TRIM14: variants seen among roughly 807,000 people sequenced by gnomAD.
TRIM14 encodes tripartite motif containing 14, also known as tripartite motif-containing protein 14.
In TRIM14, 28 loss-of-function variants were observed where a neutral mutation model predicts 44.5. The ratio of observed to expected loss-of-function variants is 0.63; its 90% CI spans 0.47 to 0.86. The LOEUF is 0.86. Among genes scored for constraint, TRIM14 ranks in the 40% least tolerant of loss-of-function variants. The probability of loss-of-function intolerance (pLI) is 0.00; values close to 1 mark genes in which losing one functional copy is unlikely to be tolerated. For synonymous variants in TRIM14, 299 were observed against 269.2 expected (o/e 1.11, Z -1.08); for missense variants, 607 against 611.1 (o/e 0.99, Z 0.07).
the TRIM14 span, among the ~76,000 whole-genome samples, chr9:98,041,991 T>C: frequency 3.3e-5 from 5 of 151,430 alleles, no homozygotes; most frequent in Non-Finnish European, 7.4e-5. Context: ...CCTAAGGACA[T>C]CTTTTAAAAA....
At chr9:98,058,539 G>T in the TRIM14 span, among the ~76,000 whole-genome samples, 3 of 152,190 alleles carry the variant, frequency 2.0e-5, no homozygotes, top group African/African-American at 7.2e-5. Flanking sequence ...TTTCTAGAGG[G>T]AAATTCCCAC....
At position 98,094,258 on chromosome 9, in the gene TRIM14, G is replaced by T. The variant is rs530370384; in HGVS notation, c.700+609C>A. On this transcript the variant is annotated intron_variant, in intron 4 of 5. Transcript: ENST00000341469. ...TGAATGAATGCATAAATGAATCAAA[G>T]AACAGATATTTTTGAGTACATGTTT... Among the ~76,000 whole-genome samples the T allele has an allele frequency of 1.3e-5, 2 of 152,370 alleles. 1 individual carries two copies. The highest frequency in any genetic ancestry group is 4.1e-4 in the South Asian group (2 of 4,828).
chr9:98,088,043 G>A (rs755980487), intron 5 of TRIM14, 38 bp from the exon 6 acceptor site: 1 of 1,420,102 alleles, frequency 7.0e-7, no homozygotes, highest in South Asian at 1.5e-5. Flanking sequence ...CTGGTGGGCG[G>A]GGCCAGCGCG....
downstream of TRIM14, among the ~76,000 whole-genome samples, chr9:98,065,308 CT>C (rs758040892): frequency 0.064 from 5,908 of 92,660 alleles, 75 homozygotes; most frequent in East Asian, 0.18. Flanking sequence ...ACTCCTGGTG[CT>C]TTTTTTTTTT....
chr9:98,109,315 G>A (rs1311376480), intron 2 of TRIM14, among the ~76,000 whole-genome samples: 2 of 151,986 alleles, frequency 1.3e-5, no homozygotes, highest in Non-Finnish European at 2.9e-5. Context: ...AGCAACGGAG[G>A]ATGCAAGGGG....
intron 3 of TRIM14, among the ~76,000 whole-genome samples, chr9:98,096,220 G>C (rs1370052327): frequency 2.0e-5 from 3 of 152,190 alleles, no homozygotes; most frequent in Admixed American, 6.5e-5. Context: ...ACATTGGGAG[G>C]GGGCTGTGAG....
chr9:98,060,915 A>G, the TRIM14 span: 4 of 1,614,068 alleles, frequency 2.5e-6, no homozygotes, highest in Non-Finnish European at 3.4e-6. Flanking sequence ...CGACATCTGG[A>G]GTTCAGCCAT....
chr9:98,084,306 G>C (rs1411430575), downstream of TRIM14: 1 of 152,158 alleles, frequency 6.6e-6, no homozygotes. Context: ...GGGTATCACT[G>C]GGTGCTAGGG....
chr9:98,071,805 T>C (rs1388571379), intron 6 of TRIM14, among the ~76,000 whole-genome samples: 1 of 152,178 alleles, frequency 6.6e-6, no homozygotes, highest in Non-Finnish European at 1.5e-5. Flanking sequence ...GCACCTGGAT[T>C]GGGGACTTTT....
At chr9:98,076,690 A>G (rs1829606658) in intron 6 of TRIM14, 1 of 497,412 alleles carries the variant, frequency 2.0e-6, no homozygotes, top group Non-Finnish European at 3.5e-6. Context: ...TGTAGCCAGC[A>G]AAGACCAGCA....
chr9:98,061,331 G>A, the TRIM14 span: 21 of 269,100 alleles, frequency 7.8e-5, no homozygotes, highest in Admixed American at 3.2e-4. Flanking sequence ...ACAAAAATTA[G>A]CTGGGCATGG....
downstream of TRIM14, chr9:98,082,778 T>TGTAAA (rs1023036606): frequency 8.5e-5 from 125 of 1,472,070 alleles, 1 homozygote; most frequent in African/African-American, 9.9e-4. Flanking sequence ...GGACCTTGAG[T>TGTAAA]GTAAAGTAAA....
the TRIM14 span, among the ~76,000 whole-genome samples, chr9:98,063,908 A>C: frequency 6.6e-6 from 1 of 152,054 alleles, no homozygotes; most frequent in Non-Finnish European, 1.5e-5. Context: ...TTGTTTCCTT[A>C]AGATGGCTTC....
the TRIM14 span, among the ~76,000 whole-genome samples, chr9:98,051,121 C>T: frequency 2.0e-5 from 3 of 152,102 alleles, no homozygotes; most frequent in African/African-American, 4.8e-5. Flanking sequence ...GAAGAGAGAC[C>T]GTTTGATATT....
chr9:98,113,602 G>T (rs539177224), intron 1 of TRIM14, among the ~76,000 whole-genome samples: 16 of 152,312 alleles, frequency 1.1e-4, no homozygotes, highest in Non-Finnish European at 1.8e-4. Context: ...TGATCTGCCT[G>T]CCTTGGCCTC....
chr9:98,116,854 A>C (rs1380465255), intron 1 of TRIM14, among the ~76,000 whole-genome samples: 1 of 152,022 alleles, frequency 6.6e-6, no homozygotes, highest in Non-Finnish European at 1.5e-5. Flanking sequence ...TCAAAAAAAA[A>C]AAAAAAAAAG....
Position 98,100,033 on chromosome 9 carries a change from C to T in TRIM14, c.435G>A (p.Arg145=), listed in dbSNP as rs199641111. 8 of 1,614,050 alleles carry T rather than the reference C, an allele frequency of 5.0e-6. No homozygotes were observed. The highest frequency in any genetic ancestry group is 6.8e-6 in the Non-Finnish European group (8 of 1,180,048). Residue 145 remains arginine (R), a synonymous_variant, in exon 3 of 6, where the codon AGG becomes AGA. Transcript: ENST00000341469. The stretch of plus-strand genomic sequence containing the variant: ...GCTCTCTGCAAGAGTCAGCTTGTTC[C>T]CTGTACACCTGGAGGGTAAGCTGCG... ...KNTQLTLQVY[R]EQADSCREQL... is the part of the protein sequence containing the mutation.
chr9:98,118,947 TC>T, intron 1 of TRIM14, 34 bp downstream of exon 1: 1 of 1,470,948 alleles, frequency 6.8e-7, no homozygotes. Context: ...CTCCCCCAAC[TC>T]CCGCGCGGCG....
At chr9:98,056,708 C>T in the TRIM14 span, 3 of 1,465,176 alleles carry the variant, frequency 2.0e-6, no homozygotes, top group East Asian at 5.6e-5. Context: ...GCGGGGCTGG[C>T]GTGTGGGTCT....
Sources: allele counts gnomAD v4.1 joint callset (sites outside exome capture counted in the v4.1 genomes callset), GRCh38; gene constraint gnomAD v4.1.1; transcripts MANE v1.5; gene names NCBI Gene and HGNC (gene_info 2026-07-23, HGNC 2026-07-21).